CNKSR3: variants seen among roughly 807,000 people sequenced by gnomAD.
CNKSR3 encodes CNKSR family member 3.
Under a neutral mutation model 67.7 loss-of-function variants are expected in CNKSR3, and 36 were observed. That is an observed-to-expected ratio of 0.53 (90% CI 0.41 to 0.70). The LOEUF is 0.70. Ranked by LOEUF, CNKSR3 falls within the 30% of genes least tolerant of loss-of-function variation. The pLI is 0.00. For synonymous variants in CNKSR3, 281 were observed against 271.4 expected, an observed-to-expected ratio of 1.04 and a Z score of -0.35; for missense variants, 630 against 695.2, an observed-to-expected ratio of 0.91 and a Z score of 1.05.
At chr6:154,414,735 G>A (rs1784982290) in intron 9 of CNKSR3, 1 of 537,096 alleles carries the variant, frequency 1.9e-6, no homozygotes, top group Non-Finnish European at 3.8e-6. Flanking sequence ...TTCTGTAAAG[G>A]AGTGATACTG....
At chr6:154,442,010 TA>T in intron 3 of CNKSR3, 77 bp downstream of exon 3, 1 of 1,344,140 alleles carries the variant, frequency 7.4e-7, no homozygotes, top group Non-Finnish European at 1.0e-6. Flanking sequence ...TTCCTTTTCC[TA>T]AGACAAAGTA....
chr6:154,418,394 C>A (rs1432447375), intron 9 of CNKSR3, among the ~76,000 whole-genome samples: 4 of 152,174 alleles, frequency 2.6e-5, no homozygotes, highest in Non-Finnish European at 5.9e-5. Context: ...TAAGACACCG[C>A]CCTTCCCCGA....
At chr6:154,482,630 A>C (rs1435510266) in intron 1 of CNKSR3, among the ~76,000 whole-genome samples, 1 of 152,218 alleles carries the variant, frequency 6.6e-6, no homozygotes. Context: ...GATTATGTGC[A>C]AATAAGAATA....
chr6:154,433,111 C>G (rs1405863690), intron 5 of CNKSR3, among the ~76,000 whole-genome samples: 1 of 152,010 alleles, frequency 6.6e-6, no homozygotes, highest in East Asian at 1.9e-4. Flanking sequence ...AGGTTTTTGC[C>G]AAGAATTTTT....
intron 1 of CNKSR3, among the ~76,000 whole-genome samples, chr6:154,500,309 C>T (rs1479367964): frequency 6.6e-6 from 1 of 151,616 alleles, no homozygotes; most frequent in African/African-American, 2.4e-5. Context: ...AATCCCAAAG[C>T]ACTGAATTTC....
chr6:154,423,132 A>G (rs72993395), intron 7 of CNKSR3, 149 bp from the exon 8 acceptor site: 19,104 of 620,490 alleles, frequency 0.031, 435 homozygotes, highest in Non-Finnish European at 0.041. Flanking sequence ...CCCTGAGACT[A>G]CACAGTCTAT....
chr6:154,454,104 CAGAGAGAGAGAGAG>C (rs71021054), intron 1 of CNKSR3, among the ~76,000 whole-genome samples: 4,026 of 116,314 alleles, frequency 0.035, 116 homozygotes, highest in Admixed American at 0.042. Context: ...CACACACACA[CAGAGAGAGAGAGAG>C]AGAGAGAGAG....
At chr6:154,438,842 A>G (rs1785525297) in intron 4 of CNKSR3, among the ~76,000 whole-genome samples, 1 of 152,198 alleles carries the variant, frequency 6.6e-6, no homozygotes, top group African/African-American at 2.4e-5. Flanking sequence ...AGCACCATTC[A>G]TCATGTCCCA....
At chr6:154,499,047 G>A (rs932971171) in intron 1 of CNKSR3, among the ~76,000 whole-genome samples, 3 of 152,122 alleles carry the variant, frequency 2.0e-5, no homozygotes, top group African/African-American at 7.2e-5. Flanking sequence ...TGTGTTCCTG[G>A]GCTGAGCACT....
chr6:154,415,115 A>C (rs1232967119), intron 9 of CNKSR3, among the ~76,000 whole-genome samples: 2 of 150,270 alleles, frequency 1.3e-5, no homozygotes, highest in East Asian at 1.9e-4. Flanking sequence ...AAAAAAAAAA[A>C]AAAAAAACAA....
intron 1 of CNKSR3, among the ~76,000 whole-genome samples, chr6:154,454,191 T>A (rs6557354): frequency 0.69 from 102,967 of 149,752 alleles, 35,684 homozygotes; most frequent in East Asian, 0.87. Context: ...ACTGACCGGG[T>A]AACCTGGAGC....
At chr6:154,486,997 TG>T (rs976880667) in intron 1 of CNKSR3, among the ~76,000 whole-genome samples, 5 of 151,168 alleles carry the variant, frequency 3.3e-5, no homozygotes, top group African/African-American at 1.2e-4. Flanking sequence ...CGGGGGCAGG[TG>T]GTGAGGGGGT....
intron 1 of CNKSR3, among the ~76,000 whole-genome samples, chr6:154,495,832 G>A (rs1038154160): frequency 3.3e-5 from 5 of 151,880 alleles, no homozygotes; most frequent in Non-Finnish European, 7.4e-5. Flanking sequence ...ACCACCTTTC[G>A]GTTCTGAGGC....
At chr6:154,447,006 A>G (rs1014164978) in intron 2 of CNKSR3, among the ~76,000 whole-genome samples, 3 of 152,000 alleles carry the variant, frequency 2.0e-5, no homozygotes, top group Non-Finnish European at 2.9e-5. Context: ...GTGTTTCACC[A>G]TGTTAGCCAG....
chr6:154,467,159 T>C (rs1786220757), intron 1 of CNKSR3, among the ~76,000 whole-genome samples: 1 of 152,060 alleles, frequency 6.6e-6, no homozygotes, highest in African/African-American at 2.4e-5. Flanking sequence ...ACCTTTCCCA[T>C]GGAACCACCG....
intron 1 of CNKSR3, among the ~76,000 whole-genome samples, chr6:154,491,435 A>T (rs1207477497): frequency 3.9e-5 from 6 of 152,204 alleles, no homozygotes; most frequent in Non-Finnish European, 7.3e-5. Context: ...TCCTGCTAAC[A>T]AATGCCTTCC....
At chr6:154,414,789 A>G in intron 9 of CNKSR3, 1 of 504,234 alleles carries the variant, frequency 2.0e-6, no homozygotes, top group Non-Finnish European at 4.1e-6. Flanking sequence ...TAGATGAGTT[A>G]GTTCATGAAA....
chr6:154,401,604 A>C lies in CNKSR3; in HGVS notation c.*4750T>G, dbSNP rs533493977. 6.6e-6 allele frequency: 1 copy of C among 152,368 alleles called. No homozygotes were observed. The highest frequency in any genetic ancestry group is 1.9e-4 in the East Asian group (1 of 5,190). The allele number at this position is 152,368 out of a possible 1,614,324, so 9.4% of individuals were successfully genotyped here. On this transcript the variant is annotated 3_prime_UTR_variant, in exon 13 of 13. Transcript: ENST00000607772. The stretch of plus-strand genomic sequence containing the variant: ...GCCAAGCCAATGAGCAGTCATACCA[A>C]AAGTAGTTTACTTTTAAGATGTCCA...
intron 1 of CNKSR3, among the ~76,000 whole-genome samples, chr6:154,506,362 AAAG>A (rs1787103682): frequency 1.3e-5 from 2 of 152,188 alleles, no homozygotes; most frequent in Admixed American, 6.6e-5. Flanking sequence ...AAAAGAAACA[AAAG>A]AAGGAAAAAG....
Sources: allele counts gnomAD v4.1 joint callset (sites outside exome capture counted in the v4.1 genomes callset), GRCh38; gene constraint gnomAD v4.1.1; transcripts MANE v1.5; gene names NCBI Gene and HGNC (gene_info 2026-07-23, HGNC 2026-07-21).